Variants in PP2D1 observed in about 807,000 individuals in gnomAD.
PP2D1 encodes protein phosphatase 2C like domain containing 1, also known as protein phosphatase 2C-like domain-containing protein 1.
Under a neutral mutation model 30.2 loss-of-function variants are expected in PP2D1, and 25 were observed. The ratio of observed to expected loss-of-function variants is 0.83; its 90% CI spans 0.60 to 1.16. The LOEUF (loss-of-function observed/expected upper bound fraction) is 1.16, where lower values mean the gene tolerates loss of function less well. Among genes scored for constraint, PP2D1 ranks in the 50% most tolerant of loss-of-function variants. The probability of loss-of-function intolerance (pLI) is 0.00; values close to 1 mark genes in which losing one functional copy is unlikely to be tolerated. For synonymous variants in PP2D1, 260 were observed against 258.9 expected, an observed-to-expected ratio of 1.00 and a Z score of -0.04; for missense variants, 760 against 742.4, an observed-to-expected ratio of 1.02 and a Z score of -0.28.
Position 20,001,400 on chromosome 3 carries a change from C to T in PP2D1, c.720G>A (p.Met240Ile). ...TGATTATTTGTTGCTCATCAGTTGTCATTTGGTAAGAAGGATCAAATTTGG... is the reference window on the plus strand; with the variant it reads ...TGATTATTTGTTGCTCATCAGTTGTTATTTGGTAAGAAGGATCAAATTTGG... ...QLSKFDPSYQMTTDEQQIINS... is the reference protein window; with the variant it reads ...QLSKFDPSYQITTDEQQIINS... Residue 240 changes from methionine (M) to isoleucine (I), a missense_variant, in exon 2 of 3, where the codon ATG becomes ATA. By Grantham distance (10) the Met-to-Ile change is conservative. Transcript: ENST00000389050. The T allele has an allele frequency of 6.5e-7, 1 of 1,536,608 alleles. No individual in the cohort carries two copies.
At chr3:20,008,558 ACT>A (rs1263818023) in intron 1 of PP2D1, among the ~76,000 whole-genome samples, 1 of 151,914 alleles carries the variant, frequency 6.6e-6, no homozygotes, top group East Asian at 1.9e-4. Context: ...CAAGAGTGAA[ACT>A]CTGTCTCAAA....
At chr3:20,008,597 CTG>C (rs1167482205) in intron 1 of PP2D1, among the ~76,000 whole-genome samples, 1 of 151,960 alleles carries the variant, frequency 6.6e-6, no homozygotes, top group Non-Finnish European at 1.5e-5. Flanking sequence ...AACAAAAAAA[CTG>C]TCCCTGGGCG....
downstream of PP2D1, chr3:19,983,590 A>T: frequency 1.4e-6 from 1 of 703,994 alleles, no homozygotes; most frequent in Non-Finnish European, 2.5e-6. Context: ...GAATGAACAT[A>T]TGGTTATATG....
At chr3:19,982,198 A>G (rs1321039630), downstream of PP2D1, among the ~76,000 whole-genome samples, 2 of 152,186 alleles carry the variant, frequency 1.3e-5, no homozygotes, top group Non-Finnish European at 2.9e-5. Flanking sequence ...TGATTGATGC[A>G]CCACACTCTA....
intron 1 of PP2D1, among the ~76,000 whole-genome samples, chr3:20,004,640 A>G (rs544963410): frequency 1.3e-5 from 2 of 152,196 alleles, no homozygotes; most frequent in Admixed American, 6.5e-5. Context: ...GAAAGCAGGC[A>G]TCATTTTATA....
intron 1 of PP2D1, among the ~76,000 whole-genome samples, chr3:20,007,411 T>A (rs958814269): frequency 2.0e-5 from 3 of 152,056 alleles, no homozygotes; most frequent in Admixed American, 1.3e-4. Context: ...GACTTAGGAT[T>A]TTTTTTTCAG....
intron 2 of PP2D1, 60 bp downstream of exon 2, chr3:20,000,970 G>A (rs13093485): frequency 0.19 from 183,451 of 974,250 alleles, 17,621 homozygotes; most frequent in South Asian, 0.22. Context: ...AGCATGAGGG[G>A]TTTTGCTGCA....
At chr3:19,982,967 C>T (rs895241129), downstream of PP2D1, among the ~76,000 whole-genome samples, 29 of 152,188 alleles carry the variant, frequency 1.9e-4, no homozygotes, top group African/African-American at 6.5e-4. Flanking sequence ...GTCTAGAGAA[C>T]GCTGATATGA....
chr3:19,991,132 G>A (rs13065319), intron 2 of PP2D1, among the ~76,000 whole-genome samples: 26,687 of 152,160 alleles, frequency 0.18, 2,268 homozygotes, highest in South Asian at 0.2. Flanking sequence ...TACTGGAAGA[G>A]CAACGTGTTT....
intron 2 of PP2D1, among the ~76,000 whole-genome samples, chr3:19,993,593 C>T (rs1487311172): frequency 6.6e-6 from 1 of 152,112 alleles, no homozygotes; most frequent in Non-Finnish European, 1.5e-5. Context: ...ATTAGCTGGG[C>T]ATGGTGGCAC....
At chr3:19,983,868 G>A, downstream of PP2D1, 1 of 1,313,106 alleles carries the variant, frequency 7.6e-7, no homozygotes, top group Non-Finnish European at 1.1e-6. Flanking sequence ...CTTCCTAAAT[G>A]TTAATAACAA....
rs1455276335 is a variant in PP2D1, at chr3:20,001,531, T to A, written c.589A>T (p.Asn197Tyr). 6.5e-7 allele frequency: 1 copy of A among 1,536,162 alleles called. No individual in the cohort carries two copies. Among genetic ancestry groups the A allele is most frequent in the Non-Finnish European group, 8.7e-7 (1 of 1,146,916 alleles). The change falls in exon 2 of 3, where the codon AAC becomes TAC. Residue 197 changes from asparagine to tyrosine, a missense_variant. Coordinates refer to ENST00000389050, the MANE Select transcript of PP2D1 (RefSeq NM_001252657.2). ...DKFTVVSNFG[N>Y]KPNVCFFGLF... is the part of the protein sequence containing the mutation. Reference sequence around the variant, plus strand: ...CCAAAAAAACACACATTAGGTTTGTTACCAAAATTACTCACTACAGTGAAT... The same window carrying A: ...CCAAAAAAACACACATTAGGTTTGTAACCAAAATTACTCACTACAGTGAAT...
chr3:19,989,218 G>A (rs1195162740), intron 2 of PP2D1, among the ~76,000 whole-genome samples: 4 of 152,158 alleles, frequency 2.6e-5, no homozygotes, highest in Non-Finnish European at 5.9e-5. Flanking sequence ...TGTAATCCCA[G>A]CTACTCAGGA....
At chr3:19,992,866 C>A (rs1372068041) in intron 2 of PP2D1, among the ~76,000 whole-genome samples, 1 of 152,042 alleles carries the variant, frequency 6.6e-6, no homozygotes, top group Non-Finnish European at 1.5e-5. Flanking sequence ...TTCAGGTGGC[C>A]ACCAATTTAA....
chr3:19,997,583 T>C (rs1697198096), intron 2 of PP2D1, among the ~76,000 whole-genome samples: 1 of 152,156 alleles, frequency 6.6e-6, no homozygotes, highest in Non-Finnish European at 1.5e-5. Context: ...TGCAGCACTA[T>C]TCACAATAGT....
intron 2 of PP2D1, among the ~76,000 whole-genome samples, chr3:19,994,804 C>T (rs943395015): frequency 6.6e-6 from 1 of 152,068 alleles, no homozygotes; most frequent in Non-Finnish European, 1.5e-5. Context: ...AGATATCTTT[C>T]GAGGGTCTTT....
intron 1 of PP2D1, chr3:20,008,324 A>T (rs1697347060): frequency 6.5e-6 from 1 of 152,934 alleles, no homozygotes; most frequent in Non-Finnish European, 1.5e-5. Context: ...TAATTCCAGC[A>T]CTTTGGGAGG....
At chr3:19,991,666 CT>C (rs570520477) in intron 2 of PP2D1, among the ~76,000 whole-genome samples, 149 of 152,228 alleles carry the variant, frequency 9.8e-4, no homozygotes, top group African/African-American at 3.3e-3. Flanking sequence ...CATTAGGTCA[CT>C]TTATTTCACT....
At chr3:19,983,824 A>T, downstream of PP2D1, 1 of 1,576,734 alleles carries the variant, frequency 6.3e-7, no homozygotes, top group Admixed American at 1.7e-5. Flanking sequence ...TAGTAACTAA[A>T]CCTCTAGTTT....
Sources: allele counts gnomAD v4.1 joint callset (sites outside exome capture counted in the v4.1 genomes callset), GRCh38; gene constraint gnomAD v4.1.1; transcripts MANE v1.5; gene names NCBI Gene and HGNC (gene_info 2026-07-23, HGNC 2026-07-21).